The following CDH13 variants were observed in gnomAD, a reference collection of about 807,000 sequenced individuals.
The protein encoded by CDH13 is cadherin 13, also known as cadherin-13.
A neutral mutation model predicts 63.8 loss-of-function variants in CDH13; 24 were observed. The observed-to-expected ratio is 0.38, with a 90% CI of 0.27 to 0.53. The LOEUF (loss-of-function observed/expected upper bound fraction) is 0.53, where lower values mean the gene tolerates loss of function less well. Ranked by LOEUF, CDH13 falls within the 20% of genes least tolerant of loss-of-function variation. The probability of loss-of-function intolerance (pLI) is 0.85; values close to 1 mark genes in which losing one functional copy is unlikely to be tolerated. For synonymous variants in CDH13, 503 were observed against 355.3 expected (o/e 1.42, Z -4.67); for missense variants, 1,049 against 903.1 (o/e 1.16, Z -2.07).
At chr16:83,235,581 T>TG (rs929898186) in intron 5 of CDH13, among the ~76,000 whole-genome samples, 11 of 29,004 alleles carry the variant, frequency 3.8e-4, no homozygotes, top group African/African-American at 8.3e-4. Flanking sequence ...TATGTGGTGG[T>TG]GTTTTTTTTT....
At chr16:82,763,482 A>G (rs1443117760) in intron 1 of CDH13, among the ~76,000 whole-genome samples, 6 of 152,220 alleles carry the variant, frequency 3.9e-5, no homozygotes, top group Non-Finnish European at 7.3e-5. Flanking sequence ...TGCTGAATGA[A>G]AGAAAAAATG....
At chr16:83,299,690 C>T (rs1455947291) in intron 5 of CDH13, among the ~76,000 whole-genome samples, 1 of 152,170 alleles carries the variant, frequency 6.6e-6, no homozygotes, top group Admixed American at 6.5e-5. Flanking sequence ...AACCAAACAC[C>T]TTGACCAAAA....
At chr16:83,065,410 T>C (rs969699901) in intron 3 of CDH13, among the ~76,000 whole-genome samples, 2 of 152,040 alleles carry the variant, frequency 1.3e-5, no homozygotes, top group South Asian at 2.1e-4. Context: ...GAAACAGATA[T>C]AGACCACTTC....
chr16:82,802,106 T>G (rs764974605), intron 1 of CDH13, among the ~76,000 whole-genome samples: 1 of 121,224 alleles, frequency 8.2e-6, no homozygotes, highest in South Asian at 2.3e-4. Context: ...TATTTATCTA[T>G]CATCTCCCTC....
chr16:83,518,275 C>G (rs994895903), intron 7 of CDH13, among the ~76,000 whole-genome samples: 1 of 151,784 alleles, frequency 6.6e-6, no homozygotes, highest in African/African-American at 2.4e-5. Flanking sequence ...TCCCAAGTAG[C>G]TGGGACTACA....
intron 1 of CDH13, among the ~76,000 whole-genome samples, chr16:82,755,013 CAA>C (rs146125902): frequency 0.01 from 1,542 of 152,300 alleles, 24 homozygotes; most frequent in African/African-American, 0.036. Context: ...CCCTGGGAAA[CAA>C]ATTCATCAGA....
chr16:82,674,823 T>C (rs753151159), intron 1 of CDH13, among the ~76,000 whole-genome samples: 1 of 152,222 alleles, frequency 6.6e-6, no homozygotes, highest in East Asian at 1.9e-4. Flanking sequence ...GGGGGCTGCC[T>C]TCTGAGACAC....
intron 10 of CDH13, among the ~76,000 whole-genome samples, chr16:83,716,201 C>G (rs910091650): frequency 5.9e-5 from 9 of 152,088 alleles, no homozygotes; most frequent in Non-Finnish European, 2.9e-5. Context: ...CATGCACAGC[C>G]TCCCCCATAA....
At position 82,651,620 on chromosome 16, in the gene CDH13, GT is replaced by G. The variant is rs1910730111; in HGVS notation, c.45+24488del. On this transcript the variant is annotated intron_variant, in intron 1 of 13. Transcript: ENST00000567109. ...GTAATAACCCTATTAGGGAGGTGGT[GT>G]TTTTCCACTTTACAGTGAGGAGACT... Among the ~76,000 whole-genome samples the G allele has an allele frequency of 2.0e-5, 3 of 152,332 alleles. No homozygotes were observed. The South Asian group carries it at 6.2e-4, about 32-fold the overall frequency.
At chr16:83,129,384 A>G (rs1459117778) in intron 4 of CDH13, among the ~76,000 whole-genome samples, 1 of 152,256 alleles carries the variant, frequency 6.6e-6, no homozygotes, top group Non-Finnish European at 1.5e-5. Context: ...CCGCAAGACA[A>G]GAATTCAAAT....
At chr16:83,055,095 A>G (rs1438627219) in intron 3 of CDH13, among the ~76,000 whole-genome samples, 1 of 152,074 alleles carries the variant, frequency 6.6e-6, no homozygotes, top group African/African-American at 2.4e-5. Context: ...TTCCATGGGT[A>G]AAATAAGAAA....
intron 1 of CDH13, among the ~76,000 whole-genome samples, chr16:82,634,123 G>T (rs1908361905): frequency 6.6e-6 from 1 of 152,220 alleles, no homozygotes; most frequent in African/African-American, 2.4e-5. Context: ...GCCCGGGCTG[G>T]GGCGGAGGGC....
At chr16:83,557,116 T>C (rs1215053604) in intron 7 of CDH13, among the ~76,000 whole-genome samples, 2 of 152,160 alleles carry the variant, frequency 1.3e-5, no homozygotes, top group African/African-American at 4.8e-5. Context: ...AGTGGCAGCA[T>C]TAGAGTCTCA....
intron 1 of CDH13, among the ~76,000 whole-genome samples, chr16:82,708,280 C>G (rs552792637): frequency 6.6e-6 from 1 of 152,300 alleles, no homozygotes; most frequent in East Asian, 1.9e-4. Context: ...TTGCATTCTT[C>G]TGCTGTGGGA....
chr16:82,716,822 C>G (rs895095270), intron 1 of CDH13, among the ~76,000 whole-genome samples: 8 of 151,636 alleles, frequency 5.3e-5, no homozygotes, highest in African/African-American at 1.7e-4. Flanking sequence ...CAGCCAAGCA[C>G]GTGATAACTA....
At chr16:83,637,036 GA>G (rs1911326271) in intron 8 of CDH13, among the ~76,000 whole-genome samples, 1 of 152,094 alleles carries the variant, frequency 6.6e-6, no homozygotes, top group South Asian at 2.1e-4. Flanking sequence ...TTTCATTTGT[GA>G]ATTGGCCATT....
intron 1 of CDH13, among the ~76,000 whole-genome samples, chr16:82,757,272 G>A (rs2034647443): frequency 6.6e-6 from 1 of 152,154 alleles, no homozygotes; most frequent in South Asian, 2.1e-4. Context: ...GCACTTTGAA[G>A]ATACTTGAAT....
chr16:83,311,399 T>G (rs9925033), intron 5 of CDH13, among the ~76,000 whole-genome samples: 2 of 152,098 alleles, frequency 1.3e-5, no homozygotes, highest in Non-Finnish European at 2.9e-5. Context: ...ACATATGTAA[T>G]GTAGAGAAAA....
chr16:82,842,628 A>G (rs552320061), intron 1 of CDH13, among the ~76,000 whole-genome samples: 193 of 152,134 alleles, frequency 1.3e-3, no homozygotes, highest in Non-Finnish European at 1.8e-3. Context: ...ATGGAAGACA[A>G]TTTTCCCATG....
Sources: gnomAD v4.1 joint callset for allele counts (sites outside exome capture counted in the v4.1 genomes callset) on GRCh38, gnomAD v4.1.1 for gene constraint, MANE v1.5 for transcripts, NCBI Gene and HGNC (gene_info 2026-07-23, HGNC 2026-07-21) for gene names.